Variants in IMPG2 observed in about 807,000 individuals in gnomAD.
The protein encoded by IMPG2 is IPM 200.
Under a neutral mutation model 129.2 loss-of-function variants are expected in IMPG2, and 91 were observed. The ratio of observed to expected loss-of-function variants is 0.70; its 90% CI spans 0.59 to 0.84. The LOEUF (loss-of-function observed/expected upper bound fraction) is 0.84, where lower values mean the gene tolerates loss of function less well. Among genes scored for constraint, IMPG2 ranks in the 40% least tolerant of loss-of-function variants. The pLI is 0.00. For missense variants in IMPG2, 1,430 were observed against 1,461.7 expected (o/e 0.98, Z 0.35); for synonymous variants, 510 against 517.7 (o/e 0.99, Z 0.20).
At chr3:101,241,442 A>C (rs2107216587) in intron 14 of IMPG2, among the ~76,000 whole-genome samples, 1 of 152,330 alleles carries the variant, frequency 6.6e-6, no homozygotes, top group Middle Eastern at 3.4e-3. Context: ...CATGTTGAGC[A>C]GAGGTTAGTT....
chr3:101,247,032 A>T (rs896948823), intron 11 of IMPG2, among the ~76,000 whole-genome samples: 3 of 152,046 alleles, frequency 2.0e-5, no homozygotes, highest in East Asian at 3.9e-4. Context: ...AAAGTTCAAG[A>T]CTACCATGAG....
chr3:101,231,091 C>G lies in IMPG2; in HGVS notation c.3288G>C (p.Val1096=). Residue 1096 remains valine (V), a synonymous_variant, in exon 16 of 19, where the codon GTG becomes GTC. Coordinates refer to ENST00000193391, the MANE Select transcript of IMPG2 (RefSeq NM_016247.4). ...WYRGKHCEEF[V]SEPVIIGITI... ...TGATGCCTATGATCACGGGCTCAGACACAAATTCCTCACAGTGCTTGCCTC... is the reference window on the plus strand; with the variant it reads ...TGATGCCTATGATCACGGGCTCAGAGACAAATTCCTCACAGTGCTTGCCTC... 8 of 1,614,168 alleles carry G rather than the reference C, an allele frequency of 5.0e-6. No homozygotes were observed. Among genetic ancestry groups the G allele is most frequent in the Non-Finnish European group, 6.8e-6 (8 of 1,180,018 alleles).
chr3:101,290,153 T>A (rs1576765075), intron 4 of IMPG2, among the ~76,000 whole-genome samples: 1 of 152,090 alleles, frequency 6.6e-6, no homozygotes, highest in African/African-American at 2.4e-5. Flanking sequence ...ACAGATCCAC[T>A]GTCTGTTGCA....
chr3:101,272,098 C>T (rs372711280), intron 7 of IMPG2, among the ~76,000 whole-genome samples: 14 of 29,466 alleles, frequency 4.8e-4, no homozygotes, highest in East Asian at 5.7e-3. Context: ...CTTTTACACA[C>T]GCACACACAC....
chr3:101,261,498 T>C (rs894200808), intron 9 of IMPG2, among the ~76,000 whole-genome samples: 1 of 152,178 alleles, frequency 6.6e-6, no homozygotes, highest in African/African-American at 2.4e-5. Flanking sequence ...AGTGTTACTC[T>C]TTATTGGCAA....
chr3:101,253,689 A>C lies in IMPG2; in HGVS notation c.1239+7T>G. 1.9e-6 allele frequency: 3 copies of C among 1,601,964 alleles called. No homozygotes were observed. Among genetic ancestry groups the C allele is most frequent in the Non-Finnish European group, 2.6e-6 (3 of 1,170,288 alleles). On this transcript the variant is annotated splice_region_variant and intron_variant, in intron 11 of 18. Coordinates refer to ENST00000193391, the MANE Select transcript of IMPG2 (RefSeq NM_016247.4). ...GCCTGGTTCTAGCATAAAACATAAA[A>C]ACATACCAGAATAGATGACGGCGTT...
intron 3 of IMPG2, among the ~76,000 whole-genome samples, chr3:101,302,964 A>T (rs1707153894): frequency 6.6e-6 from 1 of 152,194 alleles, no homozygotes; most frequent in Non-Finnish European, 1.5e-5. Context: ...CTTGGACTAA[A>T]TGTTAAAAGA....
Position 101,223,632 on chromosome 3 carries a change from T to C in IMPG2, c.*3337A>G, listed in dbSNP as rs1251890125. 1 of 152,234 alleles carries C rather than the reference T, an allele frequency of 6.6e-6. No individual in the cohort carries two copies. Among genetic ancestry groups the C allele is most frequent in the Non-Finnish European group, 1.5e-5 (1 of 68,030 alleles). 9.4% of individuals were successfully genotyped at this position (152,234 alleles called of 1,614,324 possible). ...CTTCAGCCAACCTACTTTTAGAGCCTACAAAGAATATTTGTGCAGTTTCCA... is the reference window on the plus strand; with the variant it reads ...CTTCAGCCAACCTACTTTTAGAGCCCACAAAGAATATTTGTGCAGTTTCCA... On this transcript the variant is annotated 3_prime_UTR_variant, in exon 19 of 19. Transcript: ENST00000193391.
At chr3:101,261,171 C>A (rs1406009233) in intron 9 of IMPG2, among the ~76,000 whole-genome samples, 1 of 152,082 alleles carries the variant, frequency 6.6e-6, no homozygotes, top group African/African-American at 2.4e-5. Flanking sequence ...CGTGATAGAC[C>A]ATATCTACCT....
chr3:101,308,879 C>A (rs751439871), intron 2 of IMPG2, among the ~76,000 whole-genome samples: 18 of 152,152 alleles, frequency 1.2e-4, no homozygotes, highest in Non-Finnish European at 2.5e-4. Context: ...TAAATCTGAA[C>A]ACTTTTAACA....
intron 8 of IMPG2, among the ~76,000 whole-genome samples, chr3:101,267,742 T>C (rs1169544389): frequency 1.3e-5 from 2 of 152,222 alleles, no homozygotes; most frequent in Admixed American, 1.3e-4. Context: ...TATTTTCTTC[T>C]AAATTTTAAA....
chr3:101,320,053 T>C (rs933714821), intron 1 of IMPG2, among the ~76,000 whole-genome samples: 2 of 151,970 alleles, frequency 1.3e-5, no homozygotes, highest in South Asian at 2.1e-4. Flanking sequence ...ATCAAGTAAA[T>C]ACACATCCAA....
At chr3:101,236,665 G>A (rs1051406188) in intron 14 of IMPG2, among the ~76,000 whole-genome samples, 1 of 152,132 alleles carries the variant, frequency 6.6e-6, no homozygotes, top group African/African-American at 2.4e-5. Context: ...AGTGCATTCA[G>A]CCCAGATATT....
At chr3:101,284,839 T>C (rs984308836) in intron 4 of IMPG2, among the ~76,000 whole-genome samples, 7 of 152,228 alleles carry the variant, frequency 4.6e-5, no homozygotes, top group African/African-American at 1.7e-4. Flanking sequence ...ATGTCTGAGA[T>C]ATTTCATAAT....
At chr3:101,287,951 G>A (rs1356489549) in intron 4 of IMPG2, among the ~76,000 whole-genome samples, 2 of 152,088 alleles carry the variant, frequency 1.3e-5, no homozygotes, top group Non-Finnish European at 2.9e-5. Context: ...ATACTAAACA[G>A]ACAACCTACA....
At chr3:101,277,301 A>G (rs1459565537) in intron 4 of IMPG2, among the ~76,000 whole-genome samples, 1 of 152,178 alleles carries the variant, frequency 6.6e-6, no homozygotes, top group East Asian at 1.9e-4. Flanking sequence ...TTCCTGCTGT[A>G]TTTTCCAGTG....
At chr3:101,300,635 C>T (rs1050175479) in intron 3 of IMPG2, among the ~76,000 whole-genome samples, 10 of 152,146 alleles carry the variant, frequency 6.6e-5, no homozygotes, top group East Asian at 1.9e-4. Flanking sequence ...CTGGGGGCTG[C>T]GGCACCACAC....
At chr3:101,312,717 T>C (rs1001776765) in intron 2 of IMPG2, among the ~76,000 whole-genome samples, 7 of 152,222 alleles carry the variant, frequency 4.6e-5, no homozygotes, top group African/African-American at 1.7e-4. Flanking sequence ...CTGACAAATG[T>C]GATCTATCCA....
At chr3:101,251,541 A>C (rs1003939196) in intron 11 of IMPG2, among the ~76,000 whole-genome samples, 1 of 152,144 alleles carries the variant, frequency 6.6e-6, no homozygotes, top group Non-Finnish European at 1.5e-5. Context: ...TTTTAGTTCA[A>C]TGTAGTATAT....
Sources: allele counts gnomAD v4.1 joint callset (sites outside exome capture counted in the v4.1 genomes callset), GRCh38; gene constraint gnomAD v4.1.1; transcripts MANE v1.5; gene names NCBI Gene and HGNC (gene_info 2026-07-23, HGNC 2026-07-21).